Variants in STK32B observed in about 807,000 individuals in gnomAD.
STK32B encodes serine/threonine-protein kinase 32B.
A neutral mutation model predicts 52.6 loss-of-function variants in STK32B; 43 were observed. That is an observed-to-expected ratio of 0.82 (90% confidence interval 0.64 to 1.05). STK32B has a LOEUF of 1.05. STK32B is among the 50% of genes least tolerant of loss of function. STK32B has a pLI of 0.00. For synonymous variants in STK32B, 238 were observed against 204.3 expected (o/e 1.17, Z -1.41); for missense variants, 621 against 534.6 (o/e 1.16, Z -1.59).
upstream of STK32B, among the ~76,000 whole-genome samples, chr4:5,050,411 TTTTTG>T (rs544173752): frequency 5.2e-5 from 6 of 116,018 alleles, no homozygotes; most frequent in South Asian, 2.8e-4. Flanking sequence ...TTTAAGAGAT[TTTTTG>T]TTTTGTTTTG....
chr4:5,306,852 A>G (rs1729957900), intron 3 of STK32B, among the ~76,000 whole-genome samples: 1 of 151,620 alleles, frequency 6.6e-6, no homozygotes, highest in Non-Finnish European at 1.5e-5. Flanking sequence ...AAATTCTCTC[A>G]GCATTTGTTT....
chr4:5,246,844 A>T (rs1260487264), intron 3 of STK32B, among the ~76,000 whole-genome samples: 1 of 152,034 alleles, frequency 6.6e-6, no homozygotes, highest in African/African-American at 2.4e-5. Context: ...TCCACTTCAG[A>T]CCCCGTTTTC....
intron 3 of STK32B, among the ~76,000 whole-genome samples, chr4:5,224,928 C>T (rs1319748789): frequency 6.6e-6 from 1 of 151,904 alleles, no homozygotes; most frequent in South Asian, 2.1e-4. Flanking sequence ...GAATTGTTAG[C>T]TAATTTTTAT....
chr4:5,264,349 G>A (rs1367690377), intron 3 of STK32B, among the ~76,000 whole-genome samples: 1 of 152,058 alleles, frequency 6.6e-6, no homozygotes, highest in African/African-American at 2.4e-5. Flanking sequence ...GTGTGCTTTG[G>A]TATTTCTTTG....
intron 3 of STK32B, among the ~76,000 whole-genome samples, chr4:5,310,367 A>G (rs1730213771): frequency 6.6e-6 from 1 of 152,210 alleles, no homozygotes; most frequent in Non-Finnish European, 1.5e-5. Flanking sequence ...ATCTGATTTA[A>G]AAATGGCAAA....
intron 3 of STK32B, among the ~76,000 whole-genome samples, chr4:5,294,618 AT>A: frequency 6.6e-6 from 1 of 152,080 alleles, no homozygotes; most frequent in South Asian, 2.1e-4. Flanking sequence ...TTTCCCATTG[AT>A]TTTGTATTCT....
chr4:5,216,379 C>T (rs1042898096), intron 3 of STK32B, among the ~76,000 whole-genome samples: 3 of 152,096 alleles, frequency 2.0e-5, no homozygotes, highest in East Asian at 1.9e-4. Flanking sequence ...CCTCATGGAG[C>T]GTATGGTCCA....
intron 1 of STK32B, among the ~76,000 whole-genome samples, chr4:5,114,241 T>C (rs957297195): frequency 6.6e-6 from 1 of 151,766 alleles, no homozygotes; most frequent in Non-Finnish European, 1.5e-5. Flanking sequence ...TAGATTCTCA[T>C]ACTTTCCCCA....
At chr4:5,324,120 G>A (rs10002361) in intron 3 of STK32B, among the ~76,000 whole-genome samples, 1,718 of 152,322 alleles carry the variant, frequency 0.011, 21 homozygotes, top group South Asian at 0.057. Context: ...TTGGGAGGCC[G>A]ATGCAGGAAG....
chr4:5,277,001 G>C (rs181300151), intron 3 of STK32B, among the ~76,000 whole-genome samples: 37 of 152,336 alleles, frequency 2.4e-4, no homozygotes, highest in South Asian at 8.3e-4. Context: ...ATGAACGCCA[G>C]ATTTTGGAAT....
At chr4:5,261,478 A>G (rs1726709730) in intron 3 of STK32B, among the ~76,000 whole-genome samples, 1 of 152,098 alleles carries the variant, frequency 6.6e-6, no homozygotes, top group Non-Finnish European at 1.5e-5. Flanking sequence ...AGTAATGACA[A>G]TCACCATTTA....
chr4:5,080,449 C>A (rs561295633), intron 1 of STK32B, among the ~76,000 whole-genome samples: 4 of 152,320 alleles, frequency 2.6e-5, no homozygotes, highest in Admixed American at 1.3e-4. Flanking sequence ...ATGACTACTT[C>A]TTCCTGGCTT....
At chr4:5,121,977 A>G (rs940208803) in intron 1 of STK32B, among the ~76,000 whole-genome samples, 1 of 152,174 alleles carries the variant, frequency 6.6e-6, no homozygotes, top group Non-Finnish European at 1.5e-5. Flanking sequence ...GAAGGGATCA[A>G]CCTCCATAGA....
chr4:5,052,388 C>T (rs1443064084), intron 1 of STK32B, among the ~76,000 whole-genome samples: 1 of 152,156 alleles, frequency 6.6e-6, no homozygotes, highest in African/African-American at 2.4e-5. Flanking sequence ...TTGGATGCAG[C>T]TCTCCTCAAT....
chr4:5,233,313 T>C lies in STK32B; in HGVS notation c.260+64863T>C, dbSNP rs72613184. Reference sequence around the variant, plus strand: ...TAGAGGATGTCATTTACCAATATCATGGGATTGACGTGTGCTGAGGAATTC... The same window carrying C: ...TAGAGGATGTCATTTACCAATATCACGGGATTGACGTGTGCTGAGGAATTC... On this transcript the variant is annotated intron_variant, in intron 3 of 11. Transcript: ENST00000282908. Among the ~76,000 whole-genome samples, 522 of 152,208 alleles carry C rather than the reference T, an allele frequency of 3.4e-3. 13 individuals are homozygous for C. The East Asian group carries it at 0.075, about 22-fold the overall frequency.
intron 4 of STK32B, among the ~76,000 whole-genome samples, chr4:5,332,311 C>T (rs1732313165): frequency 6.6e-6 from 1 of 152,030 alleles, no homozygotes; most frequent in Non-Finnish European, 1.5e-5. Context: ...TGATCGATGA[C>T]TTAGGAAACG....
chr4:5,275,266 T>C (rs1267891826), intron 3 of STK32B, among the ~76,000 whole-genome samples: 1 of 152,222 alleles, frequency 6.6e-6, no homozygotes, highest in Non-Finnish European at 1.5e-5. Flanking sequence ...TGTCTGGCCT[T>C]TTTGTTCCAT....
chr4:5,274,713 G>A (rs1273437450), intron 3 of STK32B, among the ~76,000 whole-genome samples: 4 of 152,078 alleles, frequency 2.6e-5, no homozygotes, highest in Non-Finnish European at 4.4e-5. Context: ...TGGGAGCTCT[G>A]TTTTCACTCT....
rs1025310552 is a variant in STK32B, at chr4:5,378,617, T to C, written c.435-19590T>C. Among the ~76,000 whole-genome samples, 2 of 152,182 alleles carry C rather than the reference T, an allele frequency of 1.3e-5. No individual in the cohort carries two copies. Among genetic ancestry groups the C allele is most frequent in the Non-Finnish European group, 2.9e-5 (2 of 68,034 alleles). The stretch of plus-strand genomic sequence containing the variant: ...TTGGAAGCCCTTTTTTTCTAATTTT[T>C]ATGGGTACATAGTAGGTGTGTATAT... On this transcript the variant is annotated intron_variant, in intron 4 of 11. Coordinates refer to ENST00000282908, the MANE Select transcript of STK32B (RefSeq NM_018401.3). The surrounding 1 kb of genome is among the most constrained non-coding windows in gnomAD (Gnocchi z 4.4).
Sources: gnomAD v4.1 joint callset for allele counts (sites outside exome capture counted in the v4.1 genomes callset) on GRCh38, gnomAD v4.1.1 for gene constraint, Gnocchi (gnomAD v3.1) non-coding constraint, MANE v1.5 for transcripts, NCBI Gene and HGNC (gene_info 2026-07-23, HGNC 2026-07-21) for gene names.